AGBL4: variants seen among roughly 807,000 people sequenced by gnomAD.
AGBL4 encodes the protein AGBL carboxypeptidase 4.
Under a neutral mutation model 66.4 loss-of-function variants are expected in AGBL4, and 58 were observed. The ratio of observed to expected loss-of-function variants is 0.87; its 90% confidence interval spans 0.71 to 1.09. The LOEUF (loss-of-function observed/expected upper bound fraction) is 1.09, where lower values mean the gene tolerates loss of function less well. Among genes scored for constraint, AGBL4 ranks in the 50% least tolerant of loss-of-function variants. The probability of loss-of-function intolerance (pLI) is 0.00; values close to 1 mark genes in which losing one functional copy is unlikely to be tolerated. For missense variants in AGBL4, 579 were observed against 631.0 expected (o/e 0.92, Z 0.88); for synonymous variants, 234 against 222.9 (o/e 1.05, Z -0.44).
At chr1:49,117,153 C>T (rs543652349) in intron 4 of AGBL4, among the ~76,000 whole-genome samples, 1 of 151,600 alleles carries the variant, frequency 6.6e-6, no homozygotes, top group African/African-American at 2.4e-5. Flanking sequence ...CAAAAATTTT[C>T]TCCCATTCTG....
chr1:48,768,459 G>A (rs1237440968), intron 6 of AGBL4, among the ~76,000 whole-genome samples: 1 of 152,196 alleles, frequency 6.6e-6, no homozygotes, highest in South Asian at 2.1e-4. Context: ...TTAATCTGAG[G>A]AGGATAAACA....
intron 2 of AGBL4, among the ~76,000 whole-genome samples, chr1:49,778,975 T>G (rs1360566039): frequency 6.6e-6 from 1 of 152,154 alleles, no homozygotes; most frequent in Non-Finnish European, 1.5e-5. Context: ...ATTTAAAAGA[T>G]GCTGCCAGCA....
At chr1:49,661,472 C>T (rs1248398992) in intron 3 of AGBL4, among the ~76,000 whole-genome samples, 1 of 152,080 alleles carries the variant, frequency 6.6e-6, no homozygotes, top group East Asian at 1.9e-4. Context: ...TATTAAGAAT[C>T]TGGAACTTCC....
chr1:49,261,287 T>A (rs1033118490), intron 3 of AGBL4, among the ~76,000 whole-genome samples: 1 of 151,936 alleles, frequency 6.6e-6, no homozygotes, highest in Admixed American at 6.6e-5. Context: ...CTATTCAACA[T>A]AGTGTTGGAA....
At chr1:49,957,999 G>A (rs944163319) in intron 1 of AGBL4, among the ~76,000 whole-genome samples, 32 of 152,040 alleles carry the variant, frequency 2.1e-4, no homozygotes, top group Admixed American at 5.9e-4. Flanking sequence ...GGCTGGTACC[G>A]GTTGTTCCTT....
intron 2 of AGBL4, among the ~76,000 whole-genome samples, chr1:49,823,560 C>T (rs1459442771): frequency 6.6e-6 from 1 of 152,056 alleles, no homozygotes; most frequent in Non-Finnish European, 1.5e-5. Context: ...AATCAGCTAC[C>T]TTTGGACCTC....
At chr1:50,021,747 T>A (rs1662458654) in intron 1 of AGBL4, among the ~76,000 whole-genome samples, 1 of 152,170 alleles carries the variant, frequency 6.6e-6, no homozygotes, top group South Asian at 2.1e-4. Flanking sequence ...ATATCCTATA[T>A]CCACTCTTGT....
chr1:48,990,063 T>G (rs1249796816), intron 5 of AGBL4, among the ~76,000 whole-genome samples: 4 of 152,220 alleles, frequency 2.6e-5, no homozygotes, highest in Admixed American at 2.6e-4. Context: ...ATCTTTTGGA[T>G]ATAAGCCATT....
intron 5 of AGBL4, among the ~76,000 whole-genome samples, chr1:49,032,858 C>T (rs1664342518): frequency 6.6e-6 from 1 of 151,968 alleles, no homozygotes; most frequent in South Asian, 2.1e-4. Flanking sequence ...TTAAATAGGA[C>T]AACTTTCTCA....
At chr1:48,630,038 C>T (rs750566043) in intron 9 of AGBL4, among the ~76,000 whole-genome samples, 14 of 152,144 alleles carry the variant, frequency 9.2e-5, no homozygotes, top group African/African-American at 2.4e-4. Flanking sequence ...ATGAGTTAAC[C>T]AGACCCTTTC....
At chr1:48,717,606 G>A (rs1477623005) in intron 6 of AGBL4, among the ~76,000 whole-genome samples, 1 of 152,150 alleles carries the variant, frequency 6.6e-6, no homozygotes, top group Non-Finnish European at 1.5e-5. Context: ...CTACCATCCT[G>A]CATTGCTTTA....
At chr1:48,588,016 G>T (rs1457573391) in intron 10 of AGBL4, among the ~76,000 whole-genome samples, 1 of 152,154 alleles carries the variant, frequency 6.6e-6, no homozygotes, top group African/African-American at 2.4e-5. Context: ...TGTTTCCCAT[G>T]CAGTATCTCA....
At chr1:48,546,862 CAA>C (rs35370444) in intron 11 of AGBL4, among the ~76,000 whole-genome samples, 25,564 of 129,512 alleles carry the variant, frequency 0.2, 2,560 homozygotes, top group Non-Finnish European at 0.27. Flanking sequence ...GTAAAACAAA[CAA>C]ACACACACAC....
chr1:48,881,436 T>C (rs1419290944), intron 5 of AGBL4, among the ~76,000 whole-genome samples: 1 of 152,160 alleles, frequency 6.6e-6, no homozygotes, highest in Non-Finnish European at 1.5e-5. Context: ...TTTGGCTCTG[T>C]TTGCATTTTA....
At chr1:49,610,520 T>C (rs1645135899) in intron 3 of AGBL4, among the ~76,000 whole-genome samples, 1 of 152,170 alleles carries the variant, frequency 6.6e-6, no homozygotes, top group Non-Finnish European at 1.5e-5. Flanking sequence ...AATTCATGTA[T>C]TGAAATTTAA....
At chr1:48,993,717 TA>T (rs1210899536) in intron 5 of AGBL4, among the ~76,000 whole-genome samples, 1 of 152,338 alleles carries the variant, frequency 6.6e-6, no homozygotes, top group Non-Finnish European at 1.5e-5. Flanking sequence ...TGGTCTGGCC[TA>T]AATGCTCCCT....
At chr1:49,225,793 C>T (rs1276490135) in intron 4 of AGBL4, among the ~76,000 whole-genome samples, 1 of 152,072 alleles carries the variant, frequency 6.6e-6, no homozygotes, top group Non-Finnish European at 1.5e-5. Context: ...TAGTGGTCAC[C>T]AAGAATCATA....
intron 5 of AGBL4, among the ~76,000 whole-genome samples, chr1:48,949,358 C>T (rs985427387): frequency 6.6e-6 from 1 of 152,180 alleles, no homozygotes; most frequent in African/African-American, 2.4e-5. Context: ...AGTGACTGCC[C>T]AGGCAATAGA....
At chr1:49,729,443 T>A (rs1649265295) in intron 2 of AGBL4, among the ~76,000 whole-genome samples, 1 of 151,988 alleles carries the variant, frequency 6.6e-6, no homozygotes, top group Non-Finnish European at 1.5e-5. Flanking sequence ...AAAGTTCAAA[T>A]AAAAAATGAA....
Sources: allele counts gnomAD v4.1 joint callset (sites outside exome capture counted in the v4.1 genomes callset), GRCh38; gene constraint gnomAD v4.1.1; transcripts MANE v1.5; gene names NCBI Gene and HGNC (gene_info 2026-07-23, HGNC 2026-07-21).